The following AKR1B10 variants were observed in gnomAD, a reference collection of about 807,000 sequenced individuals.
AKR1B10 encodes aldo-keto reductase family 1 member B10, also known as ARP.
Under a neutral mutation model 38.9 loss-of-function variants are expected in AKR1B10, and 39 were observed. That is an observed-to-expected ratio of 1.00 (90% CI 0.78 to 1.31). The LOEUF (loss-of-function observed/expected upper bound fraction) is 1.31, where lower values mean the gene tolerates loss of function less well. AKR1B10 is among the 50% of genes most tolerant of loss of function. The probability of loss-of-function intolerance (pLI) is 0.00; values close to 1 mark genes in which losing one functional copy is unlikely to be tolerated. For synonymous variants in AKR1B10, 148 were observed against 141.2 expected (o/e 1.05, Z -0.34); for missense variants, 361 against 382.6 (o/e 0.94, Z 0.47).
chr7:134,535,683 C>T lies in AKR1B10; in HGVS notation c.430-967C>T, dbSNP rs1186277827. ...CGGGCTGTATGTATCTCTTCTTTCTCTGCCCTTTCTGACTCTGTCTATGCC... is the reference window on the plus strand; with the variant it reads ...CGGGCTGTATGTATCTCTTCTTTCTTTGCCCTTTCTGACTCTGTCTATGCC... On this transcript the variant is annotated intron_variant, in intron 4 of 9. Coordinates refer to ENST00000359579, the MANE Select transcript of AKR1B10 (RefSeq NM_020299.5). 8.2e-6 allele frequency: 8 copies of T among 973,846 alleles called. No individual in the cohort carries two copies. The African/African-American group carries it at 1.5e-4, about 18-fold the overall frequency. The allele number at this position is 973,846 out of a possible 1,614,324, so 60.3% of individuals were successfully genotyped here. A position where few individuals can be genotyped will look rare whatever the true frequency, so the allele number is the denominator to read the frequency against.
chr7:134,534,087 T>C (rs1807935511), intron 4 of AKR1B10, among the ~76,000 whole-genome samples: 1 of 152,214 alleles, frequency 6.6e-6, no homozygotes, highest in Non-Finnish European at 1.5e-5. Flanking sequence ...TTCTGTGTAT[T>C]GTTTGTTCAA....
intron 3 of AKR1B10, among the ~76,000 whole-genome samples, chr7:134,532,330 G>A (rs1041915093): frequency 3.9e-5 from 6 of 152,238 alleles, no homozygotes; most frequent in Middle Eastern, 3.4e-3. Flanking sequence ...TTGATTCCAC[G>A]CCCCAGGGTT....
At position 134,536,934 on chromosome 7, in the gene AKR1B10, C is replaced by A. The variant is rs544691579; in HGVS notation, c.553-117C>A. 25 of 1,583,424 alleles carry A rather than the reference C, an allele frequency of 1.6e-5. No homozygotes were observed. In the African/African-American group the frequency reaches 3.1e-4, roughly 20 times the overall value. ...ATCTCACGGGTGATTTAGCAAGTAT[C>A]TCAGTGGGCAGGTGTTTGGCCTTTG... On this transcript the variant is annotated intron_variant, in intron 5 of 9. Transcript: ENST00000359579.
At chr7:134,531,294 AT>A (rs2117538801) in intron 2 of AKR1B10, among the ~76,000 whole-genome samples, 1 of 152,366 alleles carries the variant, frequency 6.6e-6, no homozygotes, top group South Asian at 2.1e-4. Context: ...ATACAATGTT[AT>A]AAAAAAGAAG....
rs767386642 is a variant in AKR1B10, at chr7:134,530,674, A to G, written c.98A>G (p.Lys33Arg). The part of the protein sequence containing the change: ...SPLGKVKEAV[K>R]VAIDAGYRHI... ...CTTGGCAAAGTGAAAGAAGCAGTGA[A>G]GGTGGCCATTGATGCAGGATATCGG... The change falls in exon 2 of 10, where the codon AAG (lysine) becomes AGG (arginine). Residue 33 changes from lysine (K) to arginine (R), a missense_variant. Around this residue, in one of 3 missense-constraint regions of AKR1B10, gnomAD observed 220 missense variants for 216.1 expected, o/e 1.02. Coordinates refer to ENST00000359579, the MANE Select transcript of AKR1B10 (RefSeq NM_020299.5). 5 of 1,613,948 alleles carry G rather than the reference A, an allele frequency of 3.1e-6. No homozygotes were observed. The South Asian group carries it at 4.4e-5, about 14-fold the overall frequency.
chr7:134,529,497 C>A (rs1218544637), intron 1 of AKR1B10, among the ~76,000 whole-genome samples: 4 of 152,122 alleles, frequency 2.6e-5, no homozygotes, highest in African/African-American at 9.7e-5. Flanking sequence ...GGATGATAGA[C>A]TAAAGGATTA....
At chr7:134,537,446 A>G in intron 6 of AKR1B10, 134 bp from the exon 7 acceptor site, 1 of 1,262,472 alleles carries the variant, frequency 7.9e-7, no homozygotes, top group East Asian at 2.3e-5. Context: ...AAAGGACCCA[A>G]GCTTCCAGGT....
Position 134,528,052 on chromosome 7 carries a change from A to G in AKR1B10, c.66+75A>G. ...GTGTTTTCTCTTTCTGCATTCAGCC[A>G]GGAAAGCCTGGAGGTCGGGCAGGGG... On this transcript the variant is annotated intron_variant, in intron 1 of 9. Transcript: ENST00000359579. 7.6e-6 allele frequency: 12 copies of G among 1,571,676 alleles called. No individual in the cohort carries two copies. The Middle Eastern group carries it at 1.2e-3, about 153-fold the overall frequency.
At chr7:134,528,081 G>A in intron 1 of AKR1B10, 104 bp downstream of exon 1, 1 of 1,439,936 alleles carries the variant, frequency 6.9e-7, no homozygotes, top group South Asian at 1.2e-5. Context: ...GCAGGGGTTG[G>A]AGAGGTAAGA....
chr7:134,528,857 A>T (rs1224444543), intron 1 of AKR1B10, among the ~76,000 whole-genome samples: 1 of 152,188 alleles, frequency 6.6e-6, no homozygotes, highest in Non-Finnish European at 1.5e-5. Flanking sequence ...GTTCCTGTAC[A>T]CATTGAAATC....
chr7:134,533,069 G>A lies in AKR1B10; in HGVS notation c.417G>A (p.Leu139=), dbSNP rs73724971. 5.7e-4 allele frequency: 907 copies of A among 1,595,920 alleles called. 6 individuals carry two copies. In the African/African-American group the frequency reaches 0.011, roughly 19 times the overall value. The change falls in exon 4 of 10, where the codon TTG becomes TTA. Residue 139 remains leucine, a synonymous_variant. Transcript: ENST00000359579. ...CCATCGGTGGAAAAGCAACGTTCTT[G>A]GATGCCTGGGAGGTAGGTTCCCAGC... ...GNAIGGKATF[L]DAWEAMEELV...
rs1460113685 is a variant in AKR1B10 at position 134,537,183 on chromosome 7, T to C, written c.659+26T>C. 11 of 1,567,252 alleles carry C rather than the reference T, an allele frequency of 7.0e-6. No individual in the cohort carries two copies. The East Asian group carries it at 2.5e-4, about 36-fold the overall frequency. ...GTGAGGCTTCCAAGTGGTGGGTCTT[T>C]CTCTTGATAATCTTAAAAACATTAT... is the stretch of plus-strand genomic sequence containing the variant. On this transcript the variant is annotated intron_variant, in intron 6 of 9. Transcript: ENST00000359579.
At chr7:134,532,663 C>T (rs1402793122) in intron 3 of AKR1B10, among the ~76,000 whole-genome samples, 1 of 152,194 alleles carries the variant, frequency 6.6e-6, no homozygotes, top group Non-Finnish European at 1.5e-5. Context: ...AAAACCACAG[C>T]TTGGATATCT....
chr7:134,535,849 G>A (rs1807987391), intron 4 of AKR1B10, among the ~76,000 whole-genome samples: 1 of 152,146 alleles, frequency 6.6e-6, no homozygotes. Flanking sequence ...CTTCTGGGCA[G>A]GATCTGGAAC....
chr7:134,527,885 T>C lies in AKR1B10; in HGVS notation c.-27T>C, dbSNP rs1243124172. On this transcript the variant is annotated 5_prime_UTR_variant, in exon 1 of 10. Transcript: ENST00000359579. ...AGCAGGACGTGAGACTTCTACCTGC[T>C]CACTCAGAATCATTTCTGCACCAAC... The C allele has an allele frequency of 1.2e-6, 2 of 1,612,324 alleles. No homozygotes were observed. The highest frequency in any genetic ancestry group is 1.7e-5 in the Admixed American group (1 of 59,986).
At chr7:134,538,167 GA>G in intron 7 of AKR1B10, 26 bp from the exon 8 acceptor site, 1 of 1,601,658 alleles carries the variant, frequency 6.2e-7, no homozygotes. Context: ...GAGCTGAGTG[GA>G]AGCCTGATGT....
intron 1 of AKR1B10, 98 bp downstream of exon 1, chr7:134,528,075 G>A: frequency 6.8e-7 from 1 of 1,463,634 alleles, no homozygotes; most frequent in African/African-American, 1.4e-5. Context: ...GGTCGGGCAG[G>A]GGTTGGAGAG....
intron 4 of AKR1B10, among the ~76,000 whole-genome samples, chr7:134,534,616 A>T (rs1306596354): frequency 2.6e-5 from 4 of 152,230 alleles, no homozygotes; most frequent in Non-Finnish European, 5.9e-5. Context: ...TGAAATGAGC[A>T]GGCTTGAATA....
In AKR1B10 at chr7:134,532,594, C is replaced by G. The variant is rs149934063; in HGVS notation, c.352-410C>G. On this transcript the variant is annotated intron_variant, in intron 3 of 9. Coordinates refer to ENST00000359579, the MANE Select transcript of AKR1B10 (RefSeq NM_020299.5). ...CTGGAGTGATGATGGCCTGCCACCC[C>G]TAATTCCACGCCTCTTCTAGAGGCT... Among the ~76,000 whole-genome samples, 648 of 152,250 alleles carry G rather than the reference C, an allele frequency of 4.3e-3. 2 individuals are homozygous for G. The highest frequency in any genetic ancestry group is 0.015 in the African/African-American group (626 of 41,540).
Sources: allele counts gnomAD v4.1 joint callset (sites outside exome capture counted in the v4.1 genomes callset), GRCh38; gene constraint gnomAD v4.1.1; regional missense constraint gnomAD v4.1.1; transcripts MANE v1.5; gene names NCBI Gene and HGNC (gene_info 2026-07-23, HGNC 2026-07-21).